Variants in MALRD1 observed in about 807,000 individuals in gnomAD.
MALRD1 encodes MAM and LDL receptor class A domain containing 1.
In MALRD1, 247 loss-of-function variants were observed where a neutral mutation model predicts 242.1. The observed-to-expected ratio is 1.02, with a 90% CI of 0.92 to 1.13. The LOEUF is 1.13. Among genes scored for constraint, MALRD1 ranks in the 50% most tolerant of loss-of-function variants. The pLI is 0.00. For synonymous variants in MALRD1, 995 were observed against 866.6 expected, an observed-to-expected ratio of 1.15 and a Z score of -2.60; for missense variants, 2,989 against 2,533.1, an observed-to-expected ratio of 1.18 and a Z score of -3.86.
chr10:19,521,243 C>T (rs891981956), intron 31 of MALRD1, among the ~76,000 whole-genome samples: 3 of 152,078 alleles, frequency 2.0e-5, no homozygotes, highest in African/African-American at 2.4e-5. Context: ...GACTCTATTT[C>T]CTGGTAAAAT....
chr10:19,680,989 T>C (rs1842346703), intron 36 of MALRD1, among the ~76,000 whole-genome samples: 1 of 152,232 alleles, frequency 6.6e-6, no homozygotes, highest in South Asian at 2.1e-4. Flanking sequence ...TCTTTTGGCT[T>C]GCAGGGTTTC....
chr10:19,507,710 G>A (rs1833204940), intron 31 of MALRD1, among the ~76,000 whole-genome samples: 1 of 152,104 alleles, frequency 6.6e-6, no homozygotes, highest in African/African-American at 2.4e-5. Context: ...ACTACCAATA[G>A]TCATGATAAT....
At chr10:19,233,244 G>A (rs549144317) in intron 18 of MALRD1, among the ~76,000 whole-genome samples, 43 of 152,278 alleles carry the variant, frequency 2.8e-4, no homozygotes, top group African/African-American at 1.0e-3. Context: ...GCTCACGCCT[G>A]TAGTCCCAGC....
At chr10:19,473,033 A>C (rs1305889724) in intron 29 of MALRD1, among the ~76,000 whole-genome samples, 1 of 150,536 alleles carries the variant, frequency 6.6e-6, no homozygotes, top group Non-Finnish European at 1.5e-5. Context: ...AATATTCCAC[A>C]CTCAACGGAA....
At chr10:19,218,262 G>A (rs889090583) in intron 18 of MALRD1, among the ~76,000 whole-genome samples, 1 of 151,838 alleles carries the variant, frequency 6.6e-6, no homozygotes, top group Non-Finnish European at 1.5e-5. Context: ...AGTTATTCAC[G>A]CCAATTATGA....
At chr10:19,596,608 G>A (rs1322002918) in intron 34 of MALRD1, among the ~76,000 whole-genome samples, 1 of 151,980 alleles carries the variant, frequency 6.6e-6, no homozygotes, top group Non-Finnish European at 1.5e-5. Context: ...GTGCATGACT[G>A]TAGTTCCAGC....
At chr10:19,489,236 T>G in intron 29 of MALRD1, 3 of 476,730 alleles carry the variant, frequency 6.3e-6, no homozygotes, top group South Asian at 4.6e-5. Context: ...GGATACATCT[T>G]AAGACAAAAA....
chr10:19,342,557 G>C lies in MALRD1; in HGVS notation c.3902-5214G>C, dbSNP rs920478922. On this transcript the variant is annotated intron_variant, in intron 24 of 39. Transcript: ENST00000454679. ...AGTACTTTTGGAGGGGCTAAATGAA[G>C]ATAATTTAGTCATATATAAATACTA... Among the ~76,000 whole-genome samples the C allele has an allele frequency of 2.1e-4, 32 of 152,108 alleles. 1 individual carries two copies. Among genetic ancestry groups the C allele is most frequent in the African/African-American group, 7.5e-4 (31 of 41,436 alleles).
chr10:19,591,349 T>C (rs1038354518), intron 33 of MALRD1, among the ~76,000 whole-genome samples: 15 of 152,366 alleles, frequency 9.8e-5, no homozygotes, highest in African/African-American at 2.9e-4. Context: ...ATAAACTTTA[T>C]GGTTGATTCC....
chr10:19,464,509 C>T (rs964244898), intron 29 of MALRD1, among the ~76,000 whole-genome samples: 44 of 152,212 alleles, frequency 2.9e-4, no homozygotes, highest in African/African-American at 1.0e-3. Context: ...TGTCAAAGAT[C>T]AGTTGGCTGT....
At chr10:19,456,385 C>A (rs557676791) in intron 29 of MALRD1, among the ~76,000 whole-genome samples, 19 of 152,162 alleles carry the variant, frequency 1.2e-4, no homozygotes, top group African/African-American at 3.9e-4. Context: ...TGTATGACTC[C>A]TGAGTGTCCT....
chr10:19,534,679 A>T (rs1183722920), intron 32 of MALRD1, among the ~76,000 whole-genome samples: 1 of 152,138 alleles, frequency 6.6e-6, no homozygotes, highest in Non-Finnish European at 1.5e-5. Context: ...AAATGATCAT[A>T]TCTGCTGTTG....
At chr10:19,215,326 T>C (rs772402779) in intron 18 of MALRD1, among the ~76,000 whole-genome samples, 1 of 152,242 alleles carries the variant, frequency 6.6e-6, no homozygotes, top group African/African-American at 2.4e-5. Context: ...CTGTGTAAGC[T>C]GAACCAATTA....
intron 12 of MALRD1, among the ~76,000 whole-genome samples, chr10:19,157,472 C>A (rs1351034731): frequency 6.6e-6 from 1 of 152,004 alleles, no homozygotes; most frequent in Non-Finnish European, 1.5e-5. Context: ...TGGTCTCGAT[C>A]TCCTGACCTC....
intron 26 of MALRD1, among the ~76,000 whole-genome samples, chr10:19,368,785 T>C (rs1481471762): frequency 6.6e-6 from 1 of 151,756 alleles, no homozygotes; most frequent in East Asian, 1.9e-4. Flanking sequence ...TTCAATTTCT[T>C]TCCTCAGTGT....
intron 34 of MALRD1, among the ~76,000 whole-genome samples, chr10:19,606,314 T>C (rs1255562923): frequency 6.6e-6 from 1 of 152,176 alleles, no homozygotes; most frequent in African/African-American, 2.4e-5. Flanking sequence ...TTTTTCAGAC[T>C]AATCCTCTTT....
At chr10:19,698,497 A>C (rs1833474758) in intron 38 of MALRD1, among the ~76,000 whole-genome samples, 1 of 152,178 alleles carries the variant, frequency 6.6e-6, no homozygotes, top group African/African-American at 2.4e-5. Context: ...AGGCAACTGG[A>C]AAGAAAGGAG....
chr10:19,301,065 C>G (rs367841923), intron 21 of MALRD1, among the ~76,000 whole-genome samples: 75 of 152,078 alleles, frequency 4.9e-4, no homozygotes, highest in African/African-American at 1.6e-3. Flanking sequence ...CATGAGCAGA[C>G]ACTTGTCAAA....
At chr10:19,206,157 C>G (rs1454421461) in intron 17 of MALRD1, among the ~76,000 whole-genome samples, 1 of 151,458 alleles carries the variant, frequency 6.6e-6, no homozygotes, top group East Asian at 1.9e-4. Context: ...TCATGAAATA[C>G]AGATGCTAAT....
Sources: allele counts gnomAD v4.1 joint callset (sites outside exome capture counted in the v4.1 genomes callset), GRCh38; gene constraint gnomAD v4.1.1; transcripts MANE v1.5; gene names NCBI Gene and HGNC (gene_info 2026-07-23, HGNC 2026-07-21).